DTX1: variants seen among roughly 807,000 people sequenced by gnomAD.
DTX1 encodes the protein deltex E3 ubiquitin ligase 1, also known as E3 ubiquitin-protein ligase DTX1.
In DTX1, 26 loss-of-function variants were observed where a neutral mutation model predicts 57.8. That is an observed-to-expected ratio of 0.45 (90% CI 0.33 to 0.62). The LOEUF (loss-of-function observed/expected upper bound fraction) is 0.62, where lower values mean the gene tolerates loss of function less well. DTX1 is among the 20% of genes least tolerant of loss of function. The probability of loss-of-function intolerance (pLI) is 0.02; values close to 1 mark genes in which losing one functional copy is unlikely to be tolerated. For synonymous variants in DTX1, 398 were observed against 394.1 expected, an observed-to-expected ratio of 1.01 and a Z score of -0.12; for missense variants, 704 against 895.3, an observed-to-expected ratio of 0.79 and a Z score of 2.73.
intron 2 of DTX1, among the ~76,000 whole-genome samples, chr12:113,065,503 T>A (rs919593521): frequency 2.0e-5 from 3 of 151,986 alleles, no homozygotes; most frequent in African/African-American, 7.2e-5. Context: ...TCCCTCTCCT[T>A]CTCCTCCCCT....
chr12:113,090,640 A>G (rs903146493), intron 3 of DTX1, among the ~76,000 whole-genome samples: 1 of 152,074 alleles, frequency 6.6e-6, no homozygotes, highest in African/African-American at 2.4e-5. Context: ...ATTGACTTCC[A>G]TCACACCGGC....
chr12:113,061,375 A>T (rs61942305), intron 2 of DTX1, among the ~76,000 whole-genome samples: 1 of 152,200 alleles, frequency 6.6e-6, no homozygotes, highest in African/African-American at 2.4e-5. Flanking sequence ...CTCACCAGAT[A>T]TGTGAGGGTT....
intron 2 of DTX1, among the ~76,000 whole-genome samples, chr12:113,070,781 C>T (rs2044733176): frequency 6.6e-6 from 1 of 152,218 alleles, no homozygotes; most frequent in African/African-American, 2.4e-5. Context: ...GGAACCAGTC[C>T]AACCTGGGCC....
In DTX1 at chr12:113,057,628, A is replaced by G. The variant is rs2044635849; in HGVS notation, c.-565A>G. 6.4e-6 allele frequency: 1 copy of G among 155,102 alleles called. No homozygotes were observed. The highest frequency in any genetic ancestry group is 1.4e-5 in the Non-Finnish European group (1 of 69,824). 9.6% of individuals were successfully genotyped at this position (155,102 alleles called of 1,614,324 possible). On this transcript the variant is annotated 5_prime_UTR_variant, in exon 2 of 10. Coordinates refer to ENST00000548759, the MANE Select transcript of DTX1 (RefSeq NM_004416.3). ...TCCAGGACACCGTGGAGAGGGAACA[A>G]GGGGGCAGGGACGCCCCCTTCGGCA... is the stretch of plus-strand genomic sequence containing the variant.
chr12:113,090,640 A>C (rs903146493), intron 3 of DTX1, among the ~76,000 whole-genome samples: 1 of 152,074 alleles, frequency 6.6e-6, no homozygotes, highest in African/African-American at 2.4e-5. Context: ...ATTGACTTCC[A>C]TCACACCGGC....
chr12:113,093,806 C>T lies in DTX1; in HGVS notation c.1165+106C>T. The T allele has an allele frequency of 2.0e-6, 3 of 1,508,668 alleles. No individual in the cohort carries two copies. The highest frequency in any genetic ancestry group is 2.7e-6 in the Non-Finnish European group (3 of 1,114,222). 93.5% of individuals were successfully genotyped at this position (1,508,668 alleles called of 1,614,324 possible). ...TTATTCTTAGCATTTACTACCTCACCTCCATTGCCTGATCTCAGCTCCCCT... is the reference window on the plus strand; with the variant it reads ...TTATTCTTAGCATTTACTACCTCACTTCCATTGCCTGATCTCAGCTCCCCT... On this transcript the variant is annotated intron_variant, in intron 5 of 9. Transcript: ENST00000548759. The surrounding 1 kb of genome is among the most constrained non-coding windows in gnomAD (Gnocchi z 4.2).
At chr12:113,061,736 C>T (rs1250224700) in intron 2 of DTX1, among the ~76,000 whole-genome samples, 2 of 151,560 alleles carry the variant, frequency 1.3e-5, no homozygotes, top group South Asian at 2.1e-4. Context: ...GTGTCTCACT[C>T]TGTCTCCCAG....
chr12:113,096,351 G>A (rs1428906325), intron 9 of DTX1, among the ~76,000 whole-genome samples: 17 of 149,332 alleles, frequency 1.1e-4, no homozygotes, highest in African/African-American at 4.0e-4. Context: ...GATGTGGGAC[G>A]ATTGTTGGAG....
At chr12:113,059,532 G>A (rs1011792784) in intron 2 of DTX1, among the ~76,000 whole-genome samples, 3 of 152,086 alleles carry the variant, frequency 2.0e-5, no homozygotes, top group Non-Finnish European at 2.9e-5. Flanking sequence ...TTTTGTTCTG[G>A]AGATTTGTCA....
chr12:113,079,694 CTGTGTGTGTGTG>C (rs71086139), intron 3 of DTX1, among the ~76,000 whole-genome samples: 64 of 132,432 alleles, frequency 4.8e-4, no homozygotes, highest in African/African-American at 1.5e-3. Flanking sequence ...TTCCCGGCTA[CTGTGTGTGTGTG>C]TGTGTGTGTG....
chr12:113,072,088 G>A (rs2044741507), intron 2 of DTX1, among the ~76,000 whole-genome samples: 1 of 152,128 alleles, frequency 6.6e-6, no homozygotes. Context: ...CTCGAAGCTT[G>A]GCCTCCACCC....
chr12:113,078,105 G>A lies in DTX1; in HGVS notation c.941G>A (p.Gly314Glu), dbSNP rs1245881004. ...AGCGCGCGCGCCTCCATCCCGCCGG[G>A]GTAAGACGGGGCCCAGGGGGAGGGG... is the stretch of plus-strand genomic sequence containing the variant. ...SVSARASIPP[G>E]VPALPVKNLN... Residue 314 changes from glycine to glutamate, a missense_variant and splice_region_variant, in exon 3 of 10, where the codon GGG (glycine) becomes GAG (glutamate). This residue lies in a region of DTX1 where 299 missense variants were observed against 311.2 expected (regional missense o/e 0.96). Coordinates refer to ENST00000548759, the MANE Select transcript of DTX1 (RefSeq NM_004416.3). 1.5e-6 allele frequency: 2 copies of A among 1,372,306 alleles called. No homozygotes were observed. The highest frequency in any genetic ancestry group is 3.4e-5 in the Admixed American group (1 of 29,650). The allele number at this position is 1,372,306 out of a possible 1,614,324, so 85.0% of individuals were successfully genotyped here. A position where few individuals can be genotyped will look rare whatever the true frequency, so the allele number is the denominator to read the frequency against.
chr12:113,096,439 C>CAAAAAAAAAAAAAAAA (rs56194115), intron 9 of DTX1, among the ~76,000 whole-genome samples: 8 of 92,714 alleles, frequency 8.6e-5, no homozygotes, highest in East Asian at 3.3e-4. Context: ...GACTCTGCCT[C>CAAAAAAAAAAAAAAAA]AAAAAAAAAA....
intron 3 of DTX1, among the ~76,000 whole-genome samples, chr12:113,091,284 AGT>A (rs748551666): frequency 6.6e-6 from 1 of 151,884 alleles, no homozygotes; most frequent in African/African-American, 2.4e-5. Flanking sequence ...GGAATATGTG[AGT>A]GTGTGTGTAT....
chr12:113,093,491 TGGGCGGGGATG>T lies in DTX1; in HGVS notation c.1004-46_1004-36del. On this transcript the variant is annotated intron_variant, in intron 4 of 9. Coordinates refer to ENST00000548759, the MANE Select transcript of DTX1 (RefSeq NM_004416.3). This position sits in a 1 kb window ranked among gnomAD's most constrained non-coding sequence, Gnocchi z 4.2. ...TTCCCAGGGCCAGTGGTCGGGGGTT[TGGGCGGGGATG>T]GCGCCCCGCCCTGTGACTGCGCCCC... 1 of 1,492,864 alleles carries T rather than the reference TGGGCGGGGATG, an allele frequency of 6.7e-7. No individual in the cohort carries two copies. Among genetic ancestry groups the T allele is most frequent in the Non-Finnish European group, 8.9e-7 (1 of 1,122,860 alleles). 92.5% of individuals were successfully genotyped at this position (1,492,864 alleles called of 1,614,324 possible). A position where few individuals can be genotyped will look rare whatever the true frequency, so the allele number is the denominator to read the frequency against.
chr12:113,082,091 A>C (rs2044822281), intron 3 of DTX1, among the ~76,000 whole-genome samples: 2 of 152,100 alleles, frequency 1.3e-5, no homozygotes, highest in Admixed American at 6.5e-5. Context: ...GCTCCCCCAC[A>C]GCCGACATCA....
At chr12:113,091,859 C>T (rs1373392893) in intron 3 of DTX1, among the ~76,000 whole-genome samples, 1 of 152,172 alleles carries the variant, frequency 6.6e-6, no homozygotes, top group Non-Finnish European at 1.5e-5. Flanking sequence ...CCAAGGCCTT[C>T]AGGCTGACCC....
intron 2 of DTX1, among the ~76,000 whole-genome samples, chr12:113,062,227 T>C (rs1466639094): frequency 6.6e-6 from 1 of 152,216 alleles, no homozygotes; most frequent in African/African-American, 2.4e-5. Context: ...AGTTTCCCAA[T>C]GCAGGAGCTG....
chr12:113,083,481 A>G (rs1023781191), intron 3 of DTX1, among the ~76,000 whole-genome samples: 3 of 152,116 alleles, frequency 2.0e-5, no homozygotes, highest in Non-Finnish European at 4.4e-5. Flanking sequence ...ACCTGCCACC[A>G]TGACCGGCTA....
Sources: gnomAD v4.1 joint callset for allele counts (sites outside exome capture counted in the v4.1 genomes callset) on GRCh38, gnomAD v4.1.1 for gene constraint, gnomAD v4.1.1 regional missense constraint, Gnocchi (gnomAD v3.1) non-coding constraint, MANE v1.5 for transcripts, NCBI Gene and HGNC (gene_info 2026-07-23, HGNC 2026-07-21) for gene names.